The following PPARGC1A variants were observed in gnomAD, a reference collection of about 807,000 sequenced individuals.
PPARGC1A encodes the protein PPARG coactivator 1 alpha.
A neutral mutation model predicts 88.7 loss-of-function variants in PPARGC1A; 25 were observed. The ratio of observed to expected loss-of-function variants is 0.28; its 90% confidence interval spans 0.21 to 0.39. The LOEUF is 0.39. Among genes scored for constraint, PPARGC1A ranks in the 10% least tolerant of loss-of-function variants. PPARGC1A has a pLI of 1.00. For missense variants in PPARGC1A, 880 were observed against 968.7 expected (o/e 0.91, Z 1.22); for synonymous variants, 363 against 355.6 (o/e 1.02, Z -0.24).
chr4:24,094,122 G>C, the PPARGC1A span, among the ~76,000 whole-genome samples: 1 of 152,118 alleles, frequency 6.6e-6, no homozygotes, highest in Non-Finnish European at 1.5e-5. Context: ...TGCGTGTGTT[G>C]CTAAGTCATG....
chr4:24,472,738 A>AGCC, the PPARGC1A span, among the ~76,000 whole-genome samples: 6 of 151,104 alleles, frequency 4.0e-5, no homozygotes, highest in South Asian at 6.3e-4. This position sits in a 1 kb window ranked among gnomAD's most constrained non-coding sequence, Gnocchi z 4.5. Context: ...TGACTTGGGC[A>AGCC]GCCGCCGCCG....
At chr4:24,038,176 A>C in the PPARGC1A span, among the ~76,000 whole-genome samples, 3 of 152,152 alleles carry the variant, frequency 2.0e-5, no homozygotes, top group Admixed American at 2.0e-4. Context: ...GTCATGCATG[A>C]CCTTGTAGAG....
the PPARGC1A span, among the ~76,000 whole-genome samples, chr4:24,082,938 C>T: frequency 2.6e-4 from 39 of 152,064 alleles, no homozygotes; most frequent in Admixed American, 1.7e-3. Flanking sequence ...TTGGGTTTTA[C>T]GCAAATTTGT....
At chr4:23,989,000 T>C in the PPARGC1A span, among the ~76,000 whole-genome samples, 11 of 148,726 alleles carry the variant, frequency 7.4e-5, no homozygotes, top group Non-Finnish European at 1.2e-4. Context: ...TACACTATTA[T>C]ATATATACAT....
the PPARGC1A span, among the ~76,000 whole-genome samples, chr4:24,462,035 A>AT: frequency 2.6e-5 from 4 of 151,842 alleles, no homozygotes; most frequent in African/African-American, 7.3e-5. Context: ...TGAAGGCAGC[A>AT]TTTTTTTTCT....
the PPARGC1A span, among the ~76,000 whole-genome samples, chr4:24,207,153 G>A: frequency 6.6e-6 from 1 of 151,960 alleles, no homozygotes; most frequent in Non-Finnish European, 1.5e-5. Context: ...ACCAGACAAG[G>A]CAAAATGGGA....
the PPARGC1A span, among the ~76,000 whole-genome samples, chr4:23,953,988 C>T: frequency 6.6e-6 from 1 of 152,084 alleles, no homozygotes; most frequent in East Asian, 1.9e-4. Context: ...TAAAATAAGG[C>T]TTCTTCCCTC....
the PPARGC1A span, among the ~76,000 whole-genome samples, chr4:24,295,123 C>T: frequency 1.3e-5 from 2 of 152,194 alleles, no homozygotes; most frequent in Non-Finnish European, 2.9e-5. Flanking sequence ...GATGTAGCCT[C>T]AAAGAATATT....
At chr4:24,224,255 G>A in the PPARGC1A span, among the ~76,000 whole-genome samples, 8 of 152,134 alleles carry the variant, frequency 5.3e-5, no homozygotes, top group Admixed American at 2.0e-4. Flanking sequence ...AAGAGAATTG[G>A]GATCCATAGA....
At chr4:24,411,543 C>G in the PPARGC1A span, among the ~76,000 whole-genome samples, 1 of 152,140 alleles carries the variant, frequency 6.6e-6, no homozygotes, top group Non-Finnish European at 1.5e-5. Flanking sequence ...ATCCATAGTT[C>G]ACATTAGGGT....
the PPARGC1A span, among the ~76,000 whole-genome samples, chr4:24,406,094 G>A: frequency 9.1e-3 from 1,384 of 152,314 alleles, 5 homozygotes; most frequent in Non-Finnish European, 0.014. Context: ...AAAGGCACAC[G>A]CTACAGAAAA....
chr4:24,146,119 C>G, the PPARGC1A span, among the ~76,000 whole-genome samples: 1 of 152,158 alleles, frequency 6.6e-6, no homozygotes, highest in African/African-American at 2.4e-5. Context: ...TCTTCTGAAC[C>G]TCCAAGATGA....
At chr4:24,256,361 A>G in the PPARGC1A span, among the ~76,000 whole-genome samples, 1 of 152,326 alleles carries the variant, frequency 6.6e-6, no homozygotes, top group Admixed American at 6.5e-5. Flanking sequence ...TCTGCTAACT[A>G]TGAAATGAAA....
chr4:24,210,631 G>A, the PPARGC1A span, among the ~76,000 whole-genome samples: 1 of 152,214 alleles, frequency 6.6e-6, no homozygotes, highest in Non-Finnish European at 1.5e-5. Context: ...CTCCTGGACT[G>A]TGCTGACGTC....
chr4:24,069,242 CT>C, the PPARGC1A span, among the ~76,000 whole-genome samples: 1 of 152,100 alleles, frequency 6.6e-6, no homozygotes. Context: ...TCCTGTCTCC[CT>C]TGGTTGCCTT....
chr4:24,185,909 A>G, the PPARGC1A span, among the ~76,000 whole-genome samples: 53 of 151,780 alleles, frequency 3.5e-4, no homozygotes, highest in Non-Finnish European at 2.9e-5. Context: ...AGAGTATAAT[A>G]AAGTGGTAAA....
At chr4:23,977,790 A>G in the PPARGC1A span, among the ~76,000 whole-genome samples, 1 of 152,212 alleles carries the variant, frequency 6.6e-6, no homozygotes, top group African/African-American at 2.4e-5. Context: ...TGTGATCATC[A>G]GTCCTTCTGT....
chr4:24,253,486 G>A, the PPARGC1A span, among the ~76,000 whole-genome samples: 1 of 152,218 alleles, frequency 6.6e-6, no homozygotes, highest in East Asian at 1.9e-4. Context: ...TAAAAGGTAT[G>A]CAGAGTGTTT....
chr4:24,306,376 A>G, the PPARGC1A span, among the ~76,000 whole-genome samples: 3 of 152,208 alleles, frequency 2.0e-5, no homozygotes, highest in South Asian at 6.2e-4. Context: ...TCATTCATTC[A>G]ATAGGTATTA....
Sources: gnomAD v4.1 joint callset for allele counts (sites outside exome capture counted in the v4.1 genomes callset) on GRCh38, gnomAD v4.1.1 for gene constraint, Gnocchi (gnomAD v3.1) non-coding constraint, MANE v1.5 for transcripts, NCBI Gene and HGNC (gene_info 2026-07-23, HGNC 2026-07-21) for gene names.